Variants in FRMD4A observed in about 807,000 individuals in gnomAD.
FRMD4A encodes FERM domain containing 4A.
FRMD4A carries 29 observed loss-of-function variants against 129.1 expected under a neutral mutation model. The observed-to-expected ratio is 0.22, with a 90% CI of 0.17 to 0.31. The LOEUF (loss-of-function observed/expected upper bound fraction) is 0.31, where lower values mean the gene tolerates loss of function less well. Ranked by LOEUF, FRMD4A falls within the 10% of genes least tolerant of loss-of-function variation. The pLI, the probability that FRMD4A is intolerant of heterozygous loss-of-function variation, is 1.00. For missense variants in FRMD4A, 1,272 were observed against 1,375.8 expected, an observed-to-expected ratio of 0.92 and a Z score of 1.19; for synonymous variants, 634 against 571.6, an observed-to-expected ratio of 1.11 and a Z score of -1.56.
At chr10:13,693,809 C>T (rs954963078) in intron 15 of FRMD4A, 89 bp downstream of exon 15, 5 of 1,357,534 alleles carry the variant, frequency 3.7e-6, no homozygotes, top group Admixed American at 1.8e-5. Context: ...CCTGCAGTCT[C>T]CCCAGCTGCA....
intron 2 of FRMD4A, among the ~76,000 whole-genome samples, chr10:13,993,118 G>A (rs2095609451): frequency 6.6e-6 from 1 of 152,198 alleles, no homozygotes; most frequent in Non-Finnish European, 1.5e-5. Context: ...TCCGGCAAGA[G>A]ACAGTGAGGA....
At chr10:13,996,837 C>G (rs2095624254) in intron 2 of FRMD4A, among the ~76,000 whole-genome samples, 1 of 152,166 alleles carries the variant, frequency 6.6e-6, no homozygotes, top group South Asian at 2.1e-4. Flanking sequence ...TGTCGATCCC[C>G]AAATTCGGAG....
chr10:13,825,741 G>A (rs543577713), intron 3 of FRMD4A, among the ~76,000 whole-genome samples: 1 of 152,172 alleles, frequency 6.6e-6, no homozygotes, highest in Non-Finnish European at 1.5e-5. Context: ...ACTCAGAATG[G>A]CACCCAATTT....
intron 2 of FRMD4A, among the ~76,000 whole-genome samples, chr10:14,148,745 G>A (rs1840201528): frequency 6.6e-6 from 1 of 150,772 alleles, no homozygotes; most frequent in Non-Finnish European, 1.5e-5. Context: ...CTAGGTGACA[G>A]AGCGAGACTC....
intron 2 of FRMD4A, among the ~76,000 whole-genome samples, chr10:13,942,474 A>C (rs61484464): frequency 0.025 from 3,755 of 152,286 alleles, 150 homozygotes; most frequent in African/African-American, 0.085. Flanking sequence ...GTCTGAGGCC[A>C]GCCCAGACTC....
At chr10:13,817,762 A>C (rs2093568572) in intron 3 of FRMD4A, among the ~76,000 whole-genome samples, 1 of 152,196 alleles carries the variant, frequency 6.6e-6, no homozygotes, top group African/African-American at 2.4e-5. Context: ...TTTCCTTTAT[A>C]AATTACCCAG....
intron 2 of FRMD4A, among the ~76,000 whole-genome samples, chr10:14,217,745 C>T (rs1843118399): frequency 6.6e-6 from 1 of 152,138 alleles, no homozygotes; most frequent in African/African-American, 2.4e-5. Flanking sequence ...ATAGAGAAGG[C>T]CACCTTTTGA....
At chr10:13,717,249 G>C (rs1589523093) in intron 12 of FRMD4A, among the ~76,000 whole-genome samples, 1 of 152,138 alleles carries the variant, frequency 6.6e-6, no homozygotes, top group Non-Finnish European at 1.5e-5. Context: ...AGAAAATGAT[G>C]GTAGGCCATT....
intron 17 of FRMD4A, among the ~76,000 whole-genome samples, chr10:13,666,883 T>G (rs1280802687): frequency 1.1e-4 from 16 of 151,124 alleles, no homozygotes; most frequent in Admixed American, 7.9e-4. Context: ...CTCACCCGCG[T>G]GTCTTTCGGG....
intron 2 of FRMD4A, among the ~76,000 whole-genome samples, chr10:14,023,380 T>C (rs1273777331): frequency 6.6e-6 from 1 of 151,726 alleles, no homozygotes; most frequent in African/African-American, 2.4e-5. Context: ...AAACACACCA[T>C]TCCCTGAAAG....
intron 2 of FRMD4A, among the ~76,000 whole-genome samples, chr10:14,041,627 T>A (rs1036364077): frequency 6.6e-6 from 1 of 152,260 alleles, no homozygotes; most frequent in African/African-American, 2.4e-5. Flanking sequence ...GGACTATTCA[T>A]AACAGCTCCA....
intron 15 of FRMD4A, among the ~76,000 whole-genome samples, chr10:13,677,706 A>T (rs1249288002): frequency 6.6e-6 from 1 of 152,256 alleles, no homozygotes; most frequent in East Asian, 1.9e-4. Flanking sequence ...CTCCAAGGTT[A>T]CATGGCTAAA....
intron 2 of FRMD4A, among the ~76,000 whole-genome samples, chr10:13,985,065 T>G (rs1356530071): frequency 6.6e-6 from 1 of 152,248 alleles, no homozygotes; most frequent in Non-Finnish European, 1.5e-5. Flanking sequence ...CTTAGCCTCA[T>G]GAGCCCTGCT....
At chr10:14,122,561 G>C (rs1017223888) in intron 2 of FRMD4A, among the ~76,000 whole-genome samples, 1 of 150,932 alleles carries the variant, frequency 6.6e-6, no homozygotes, top group Admixed American at 6.6e-5. Context: ...AATGTGAAGC[G>C]GGGAGCAGGC....
intron 2 of FRMD4A, among the ~76,000 whole-genome samples, chr10:13,930,969 A>G (rs929196864): frequency 6.6e-6 from 1 of 152,054 alleles, no homozygotes; most frequent in African/African-American, 2.4e-5. Flanking sequence ...TGTAGCTGGG[A>G]CTACAGGTGC....
At chr10:14,155,480 C>T (rs900963410) in intron 2 of FRMD4A, among the ~76,000 whole-genome samples, 6 of 152,108 alleles carry the variant, frequency 3.9e-5, no homozygotes, top group Non-Finnish European at 7.4e-5. Context: ...CAGGGCTTAG[C>T]GTCTGTCCCT....
intron 4 of FRMD4A, among the ~76,000 whole-genome samples, chr10:13,808,358 G>C (rs1033747393): frequency 6.6e-6 from 1 of 152,166 alleles, no homozygotes; most frequent in African/African-American, 2.4e-5. Flanking sequence ...TGCAGAATTA[G>C]AAAACACGGT....
At chr10:13,704,020 A>C (rs2087140988) in intron 13 of FRMD4A, among the ~76,000 whole-genome samples, 1 of 152,040 alleles carries the variant, frequency 6.6e-6, no homozygotes, top group Non-Finnish European at 1.5e-5. Flanking sequence ...CAAAACAAAC[A>C]AACAAACAAA....
At chr10:14,250,428 T>C (rs1429537459) in intron 2 of FRMD4A, among the ~76,000 whole-genome samples, 1 of 152,226 alleles carries the variant, frequency 6.6e-6, no homozygotes, top group Admixed American at 6.5e-5. Flanking sequence ...CTCTACTTTT[T>C]ACAAAGGTGT....
Sources: allele counts gnomAD v4.1 joint callset (sites outside exome capture counted in the v4.1 genomes callset), GRCh38; gene constraint gnomAD v4.1.1; transcripts MANE v1.5; gene names NCBI Gene and HGNC (gene_info 2026-07-23, HGNC 2026-07-21).